The following SLC6A11 variants were observed in gnomAD, a reference collection of about 807,000 sequenced individuals.
The protein encoded by SLC6A11 is solute carrier family 6 member 11.
In SLC6A11, 25 loss-of-function variants were observed where a neutral mutation model predicts 74.8. That is an observed-to-expected ratio of 0.33 (90% CI 0.24 to 0.47). SLC6A11 has a LOEUF of 0.47. Ranked by LOEUF, SLC6A11 falls within the 20% of genes least tolerant of loss-of-function variation. The pLI, the probability that SLC6A11 is intolerant of heterozygous loss-of-function variation, is 1.00. For missense variants in SLC6A11, 574 were observed against 837.0 expected, an observed-to-expected ratio of 0.69 and a Z score of 3.88; for synonymous variants, 330 against 330.2, an observed-to-expected ratio of 1.00 and a Z score of 0.01.
At chr3:10,885,644 G>A (rs572172564) in intron 6 of SLC6A11, among the ~76,000 whole-genome samples, 28 of 151,760 alleles carry the variant, frequency 1.8e-4, no homozygotes, top group Non-Finnish European at 3.2e-4. Flanking sequence ...TAGTGCTGAG[G>A]TTGAGATACC....
intron 13 of SLC6A11, among the ~76,000 whole-genome samples, chr3:10,937,840 T>C (rs1695776411): frequency 6.6e-6 from 1 of 152,196 alleles, no homozygotes; most frequent in African/African-American, 2.4e-5. Context: ...CCAGCAATTG[T>C]CCTGTAAACA....
chr3:10,908,519 T>C (rs1197928501), intron 6 of SLC6A11, among the ~76,000 whole-genome samples: 2 of 152,212 alleles, frequency 1.3e-5, no homozygotes, highest in Non-Finnish European at 2.9e-5. Context: ...AAGATTCATG[T>C]GAATCTTTAA....
intron 5 of SLC6A11, among the ~76,000 whole-genome samples, chr3:10,863,596 T>C (rs1425853488): frequency 2.6e-5 from 4 of 152,218 alleles, no homozygotes; most frequent in Non-Finnish European, 5.9e-5. Context: ...TTGCAGGCTG[T>C]GACAGGAGTG....
chr3:10,860,603 G>A (rs1269617361), intron 5 of SLC6A11, among the ~76,000 whole-genome samples: 1 of 152,244 alleles, frequency 6.6e-6, no homozygotes, highest in Non-Finnish European at 1.5e-5. Context: ...AGGGTTGTAA[G>A]ATGTGTGCTG....
intron 4 of SLC6A11, among the ~76,000 whole-genome samples, chr3:10,827,837 C>T (rs1371979009): frequency 6.6e-6 from 1 of 152,170 alleles, no homozygotes; most frequent in Non-Finnish European, 1.5e-5. Flanking sequence ...GGCACCTGGC[C>T]TGCCCACTCC....
chr3:10,858,928 A>G (rs1041661913), intron 5 of SLC6A11, among the ~76,000 whole-genome samples: 1 of 152,214 alleles, frequency 6.6e-6, no homozygotes, highest in Non-Finnish European at 1.5e-5. Context: ...AAGGAATGGA[A>G]CAAGTTCTTT....
At chr3:10,933,699 G>A (rs568759596) in intron 11 of SLC6A11, among the ~76,000 whole-genome samples, 1 of 152,290 alleles carries the variant, frequency 6.6e-6, no homozygotes, top group African/African-American at 2.4e-5. Context: ...GCTTGGGAAT[G>A]GATGCCTCTG....
chr3:10,838,105 G>A (rs1007106492), intron 4 of SLC6A11, among the ~76,000 whole-genome samples: 27 of 152,208 alleles, frequency 1.8e-4, no homozygotes, highest in Non-Finnish European at 3.4e-4. Context: ...TCTGTTTGCC[G>A]GCTCCGTGCA....
intron 5 of SLC6A11, among the ~76,000 whole-genome samples, chr3:10,847,877 A>G (rs746817285): frequency 1.3e-5 from 2 of 152,168 alleles, no homozygotes. Context: ...GAAACTTCCC[A>G]CGTGGGCAGA....
At chr3:10,844,852 G>T (rs1694483901) in intron 5 of SLC6A11, among the ~76,000 whole-genome samples, 2 of 152,178 alleles carry the variant, frequency 1.3e-5, no homozygotes, top group Non-Finnish European at 2.9e-5. Flanking sequence ...AGCCTCCAGG[G>T]TTGCTGCCTC....
chr3:10,905,086 A>G (rs1268057552), intron 6 of SLC6A11, among the ~76,000 whole-genome samples: 3 of 152,192 alleles, frequency 2.0e-5, no homozygotes, highest in Admixed American at 6.5e-5. Flanking sequence ...TCGTCAAATC[A>G]TTCTAATGCC....
intron 7 of SLC6A11, among the ~76,000 whole-genome samples, chr3:10,917,401 G>A (rs76785967): frequency 3.5e-4 from 54 of 152,314 alleles, no homozygotes; most frequent in African/African-American, 1.1e-3. Context: ...TGCCATGGAG[G>A]CTAGTCATGC....
At chr3:10,936,783 T>C (rs1695764684) in intron 13 of SLC6A11, among the ~76,000 whole-genome samples, 1 of 152,176 alleles carries the variant, frequency 6.6e-6, no homozygotes, top group Non-Finnish European at 1.5e-5. Context: ...AGATGGCCTT[T>C]TGGTGTTCAG....
At chr3:10,875,119 C>A in intron 6 of SLC6A11, 24 bp downstream of exon 6, 1 of 1,572,716 alleles carries the variant, frequency 6.4e-7, no homozygotes. Context: ...GCTCAATGTG[C>A]AGCATCACCC....
At chr3:10,840,788 T>G (rs959746395) in intron 4 of SLC6A11, among the ~76,000 whole-genome samples, 1 of 152,204 alleles carries the variant, frequency 6.6e-6, no homozygotes, top group Non-Finnish European at 1.5e-5. Flanking sequence ...GATGTGAGTT[T>G]GGGCAAGTTA....
At chr3:10,864,419 C>A (rs778684406) in intron 5 of SLC6A11, among the ~76,000 whole-genome samples, 5 of 151,812 alleles carry the variant, frequency 3.3e-5, no homozygotes, top group African/African-American at 4.8e-5. Flanking sequence ...GAGCCCCTAG[C>A]AACCATGTAC....
At chr3:10,880,453 G>A (rs574067169) in intron 6 of SLC6A11, among the ~76,000 whole-genome samples, 3 of 152,184 alleles carry the variant, frequency 2.0e-5, no homozygotes, top group Non-Finnish European at 4.4e-5. Flanking sequence ...CAGTATTCAG[G>A]CCTCTTGCAG....
intron 5 of SLC6A11, among the ~76,000 whole-genome samples, chr3:10,851,668 C>T (rs529436609): frequency 2.9e-4 from 44 of 152,360 alleles, no homozygotes; most frequent in Non-Finnish European, 4.8e-4. Flanking sequence ...GCAGAAGGTG[C>T]GAATATCGTC....
chr3:10,913,908 T>C (rs1358922647), intron 7 of SLC6A11, among the ~76,000 whole-genome samples: 1 of 152,086 alleles, frequency 6.6e-6, no homozygotes, highest in Non-Finnish European at 1.5e-5. Context: ...TTAGCCAGGA[T>C]GGTCTTGATC....
Sources: allele counts gnomAD v4.1 joint callset (sites outside exome capture counted in the v4.1 genomes callset), GRCh38; gene constraint gnomAD v4.1.1; transcripts MANE v1.5; gene names NCBI Gene and HGNC (gene_info 2026-07-23, HGNC 2026-07-21).